AKAP9: variants seen among roughly 807,000 people sequenced by gnomAD.
The protein encoded by AKAP9 is A-kinase anchoring protein 9, also known as A-kinase anchor protein 9.
A neutral mutation model predicts 488.5 loss-of-function variants in AKAP9; 311 were observed. The ratio of observed to expected loss-of-function variants is 0.64; its 90% CI spans 0.58 to 0.70. The LOEUF is 0.70. Among genes scored for constraint, AKAP9 ranks in the 30% least tolerant of loss-of-function variants. The pLI is 0.00. For missense variants in AKAP9, 4,215 were observed against 4,374.5 expected (o/e 0.96, Z 1.03); for synonymous variants, 1,462 against 1,483.5 (o/e 0.99, Z 0.33).
At chr7:91,993,093 C>A (rs766226607) in intron 5 of AKAP9, 38 bp downstream of exon 5, 2 of 1,608,274 alleles carry the variant, frequency 1.2e-6, no homozygotes, top group Non-Finnish European at 1.7e-6. Context: ...TTGCTACTCA[C>A]AAAAACAAAA....
chr7:92,088,695 G>T (rs954192932), intron 37 of AKAP9, among the ~76,000 whole-genome samples: 1 of 152,106 alleles, frequency 6.6e-6, no homozygotes, highest in African/African-American at 2.4e-5. Flanking sequence ...GGTAGTGGTG[G>T]TTACGTGAAC....
chr7:92,107,854 A>C, intron 48 of AKAP9: 1 of 171,658 alleles, frequency 5.8e-6, no homozygotes, highest in Non-Finnish European at 1.3e-5. Flanking sequence ...CTGTCTCAAA[A>C]AAAAATACAA....
Position 92,001,486 on chromosome 7 carries a change from G to A in AKAP9, c.1569G>A (p.Lys523=), listed in dbSNP as rs765070353. 11 of 1,613,870 alleles carry A rather than the reference G, an allele frequency of 6.8e-6. No individual in the cohort carries two copies. In the East Asian group the frequency reaches 2.2e-4, roughly 33 times the overall value. ...KEELGLILEE[K]CALQRQLEDL... is the part of the protein sequence containing the mutation. ...AACTAGGACTAATTTTAGAAGAAAA[G>A]TGTGCTCTACAGAGACAGCTTGAAG... The change falls in exon 8 of 50, where the codon AAG becomes AAA. Residue 523 remains lysine, a synonymous_variant. Coordinates refer to ENST00000356239, the MANE Select transcript of AKAP9 (RefSeq NM_005751.5).
intron 8 of AKAP9, among the ~76,000 whole-genome samples, chr7:92,006,844 T>G (rs1799935592): frequency 6.6e-6 from 1 of 152,136 alleles, no homozygotes; most frequent in Non-Finnish European, 1.5e-5. Flanking sequence ...GGTCATAGAT[T>G]GAAGTGTATG....
intron 1 of AKAP9, among the ~76,000 whole-genome samples, chr7:91,972,558 G>T (rs1385099120): frequency 6.6e-6 from 1 of 152,142 alleles, no homozygotes; most frequent in Non-Finnish European, 1.5e-5. Flanking sequence ...CTTCTCCATG[G>T]TCTTGAATAC....
intron 11 of AKAP9, 139 bp downstream of exon 11, chr7:92,016,406 A>G (rs1290813249): frequency 8.0e-6 from 5 of 628,858 alleles, no homozygotes; most frequent in South Asian, 6.4e-5. Context: ...TTTCAGATTC[A>G]TGAAATCTCA....
At chr7:91,971,986 T>TTTTC (rs1795152057) in intron 1 of AKAP9, among the ~76,000 whole-genome samples, 1 of 136,488 alleles carries the variant, frequency 7.3e-6, no homozygotes, top group Non-Finnish European at 1.6e-5. Flanking sequence ...GCCTCTCTTT[T>TTTTC]TTTTTTTTTT....
intron 21 of AKAP9, among the ~76,000 whole-genome samples, chr7:92,046,174 T>G (rs757395889): frequency 6.6e-5 from 10 of 152,078 alleles, no homozygotes. Context: ...TGAACTCCAT[T>G]GTCTCTTGTT....
chr7:92,046,982 A>G (rs949157506), intron 21 of AKAP9, among the ~76,000 whole-genome samples: 1 of 152,210 alleles, frequency 6.6e-6, no homozygotes, highest in Non-Finnish European at 1.5e-5. Flanking sequence ...CAAAGTATTC[A>G]GCAGACAACA....
At chr7:92,069,714 T>C (rs1811368048) in intron 26 of AKAP9, among the ~76,000 whole-genome samples, 2 of 152,156 alleles carry the variant, frequency 1.3e-5, no homozygotes, top group African/African-American at 4.8e-5. Context: ...ATGTCAGTGC[T>C]TAAAAAGTTT....
intron 8 of AKAP9, among the ~76,000 whole-genome samples, chr7:92,011,804 A>C (rs1019926866): frequency 3.8e-4 from 58 of 152,186 alleles, no homozygotes; most frequent in Non-Finnish European, 1.3e-4. Context: ...GTCCCTGGTG[A>C]CATAACAGTG....
intron 16 of AKAP9, among the ~76,000 whole-genome samples, chr7:92,032,608 A>G (rs1441143404): frequency 8.5e-5 from 13 of 152,146 alleles, no homozygotes; most frequent in Non-Finnish European, 5.9e-5. Context: ...GAATATGTGC[A>G]TTTTAAAGGG....
chr7:91,968,894 C>G (rs957629931), intron 1 of AKAP9, among the ~76,000 whole-genome samples: 1 of 151,906 alleles, frequency 6.6e-6, no homozygotes, highest in Admixed American at 6.6e-5. Context: ...TTTTTTGAGA[C>G]AGGGCCTTTC....
chr7:92,100,023 T>C (rs1817260650), intron 44 of AKAP9, 154 bp downstream of exon 44: 2 of 656,222 alleles, frequency 3.0e-6, no homozygotes, highest in East Asian at 5.8e-5. Context: ...AATAATAATA[T>C]TATTACTAAG....
chr7:92,099,766 A>C lies in AKAP9; in HGVS notation c.10793A>C (p.His3598Pro). Residue 3598 changes from histidine to proline, a missense_variant, in exon 44 of 50, where the codon CAT becomes CCT. Physicochemically the swap from His to Pro is moderately conservative, Grantham distance 77. This residue lies in a region of AKAP9 where 74 missense variants were observed against 113.0 expected (regional missense o/e 0.65). Transcript: ENST00000356239. ...LLRQNAELTG[H>P]ISQLTEEKND... ...AGACAAAATGCTGAGCTGACAGGGC[A>C]TATCAGTCAACTGACTGAAGAGAAG... 6.2e-7 allele frequency: 1 copy of C among 1,614,102 alleles called. No individual in the cohort carries two copies. Among genetic ancestry groups the C allele is most frequent in the Non-Finnish European group, 8.5e-7 (1 of 1,179,944 alleles).
intron 1 of AKAP9, among the ~76,000 whole-genome samples, chr7:91,950,423 G>A (rs1169547178): frequency 2.6e-5 from 4 of 151,852 alleles, no homozygotes; most frequent in Admixed American, 1.3e-4. Context: ...GTAGAGACGG[G>A]GTTTCACTGT....
rs1172309880 is a variant in AKAP9 at position 91,980,339 on chromosome 7, A to G, written c.351+6A>G. The G allele has an allele frequency of 6.7e-7, 1 of 1,482,230 alleles. No homozygotes were observed. Among genetic ancestry groups the G allele is most frequent in the Non-Finnish European group, 9.3e-7 (1 of 1,075,056 alleles). 91.8% of individuals were successfully genotyped at this position (1,482,230 alleles called of 1,614,324 possible). On this transcript the variant is annotated splice_donor_region_variant and intron_variant, in intron 3 of 49. Transcript: ENST00000356239. The stretch of plus-strand genomic sequence containing the variant: ...CAGATGACTGCAGTTCAGAGGTAAG[A>G]CTAAATTATATTGATTTCTAATATC...
intron 12 of AKAP9, among the ~76,000 whole-genome samples, chr7:92,018,746 G>A (rs1373965830): frequency 1.3e-5 from 2 of 151,886 alleles, no homozygotes; most frequent in African/African-American, 2.4e-5. Flanking sequence ...ATATTACCAG[G>A]GATCTTTATT....
chr7:92,101,494 A>C (rs1817521461), intron 45 of AKAP9, among the ~76,000 whole-genome samples: 1 of 152,020 alleles, frequency 6.6e-6, no homozygotes, highest in Admixed American at 6.6e-5. Context: ...CTTTTTATTC[A>C]GTCTTTGTCA....
Sources: allele counts gnomAD v4.1 joint callset (sites outside exome capture counted in the v4.1 genomes callset), GRCh38; gene constraint gnomAD v4.1.1; regional missense constraint gnomAD v4.1.1; transcripts MANE v1.5; gene names NCBI Gene and HGNC (gene_info 2026-07-23, HGNC 2026-07-21).